Variants in SLFN12L observed in about 807,000 individuals in gnomAD.
SLFN12L encodes schlafen family member 12 like, also known as schlafen family member 12-like.
Under a neutral mutation model 34.8 loss-of-function variants are expected in SLFN12L, and 34 were observed. The ratio of observed to expected loss-of-function variants is 0.98; its 90% CI spans 0.74 to 1.30. The LOEUF is 1.30. Among genes scored for constraint, SLFN12L ranks in the 50% most tolerant of loss-of-function variants. The pLI, the probability that SLFN12L is intolerant of heterozygous loss-of-function variation, is 0.00. For missense variants in SLFN12L, 703 were observed against 696.2 expected, an observed-to-expected ratio of 1.01 and a Z score of -0.11; for synonymous variants, 259 against 247.5, an observed-to-expected ratio of 1.05 and a Z score of -0.44.
intron 2 of SLFN12L, among the ~76,000 whole-genome samples, chr17:35,521,698 T>C (rs1400659608): frequency 1.3e-5 from 2 of 152,092 alleles, no homozygotes; most frequent in Non-Finnish European, 2.9e-5. Flanking sequence ...TTGAGCTACA[T>C]AATTGTTTTT....
chr17:35,503,444 T>G (rs1915367877), intron 2 of SLFN12L, among the ~76,000 whole-genome samples: 1 of 152,136 alleles, frequency 6.6e-6, no homozygotes, highest in Admixed American at 6.5e-5. Flanking sequence ...CCTACAAAGT[T>G]TTATTAAAAC....
At chr17:35,480,416 TTC>T (rs1437629203) in intron 2 of SLFN12L, 2 of 416,064 alleles carry the variant, frequency 4.8e-6, no homozygotes, top group African/African-American at 4.1e-5. Context: ...TACGATCTTA[TTC>T]TAATAATTTT....
intron 4 of SLFN12L, 33 bp from the exon 5 acceptor site, chr17:35,475,518 A>G (rs1913961487): frequency 2.0e-6 from 3 of 1,515,120 alleles, no homozygotes; most frequent in Non-Finnish European, 2.6e-6. Context: ...ATTATAAAAG[A>G]CTGAGAACTT....
In SLFN12L at chr17:35,479,110, C is replaced by T; in HGVS notation, c.1165+7G>A. The T allele has an allele frequency of 6.5e-7, 1 of 1,541,672 alleles. No individual in the cohort carries two copies. The highest frequency in any genetic ancestry group is 1.2e-5 in the South Asian group (1 of 81,764). On this transcript the variant is annotated splice_region_variant and intron_variant, in intron 3 of 4. Transcript: ENST00000628453. ...GGTATCCTTATTGCCAATCCTCCTTCCTCAACCTGGTTCTGAATCCACCAT... is the reference window on the plus strand; with the variant it reads ...GGTATCCTTATTGCCAATCCTCCTTTCTCAACCTGGTTCTGAATCCACCAT...
At chr17:35,503,972 C>T (rs1915385151) in intron 2 of SLFN12L, among the ~76,000 whole-genome samples, 1 of 152,202 alleles carries the variant, frequency 6.6e-6, no homozygotes, top group Admixed American at 6.5e-5. Context: ...AGGAGAAAAC[C>T]CTACAAAACT....
chr17:35,470,239 C>G lies in SLFN12L; in HGVS notation c.*4684G>C, dbSNP rs745994187. The G allele has an allele frequency of 6.5e-6, 1 of 152,862 alleles. No individual in the cohort carries two copies. Among genetic ancestry groups the G allele is most frequent in the African/African-American group, 2.4e-5 (1 of 41,446 alleles). 9.5% of individuals were successfully genotyped at this position (152,862 alleles called of 1,614,324 possible). A position where few individuals can be genotyped will look rare whatever the true frequency, so the allele number is the denominator to read the frequency against. On this transcript the variant is annotated 3_prime_UTR_variant, in exon 5 of 5. Transcript: ENST00000628453. ...TGAGGCTATTGTTCCTGCGTTCATC[C>G]TCCCATGGTCACATTTCTTGGCCAA...
chr17:35,504,593 G>A (rs926739383), intron 2 of SLFN12L, among the ~76,000 whole-genome samples: 2 of 152,236 alleles, frequency 1.3e-5, no homozygotes, highest in Middle Eastern at 3.4e-3. Flanking sequence ...GACCAGGCAT[G>A]GGCTGCATGG....
intron 1 of SLFN12L, among the ~76,000 whole-genome samples, chr17:35,534,131 G>A (rs1303631726): frequency 1.3e-5 from 2 of 152,080 alleles, no homozygotes; most frequent in South Asian, 2.1e-4. Context: ...GGGAGGCCCT[G>A]GTGGGCAGAT....
intron 2 of SLFN12L, among the ~76,000 whole-genome samples, chr17:35,483,536 G>A (rs1914441304): frequency 6.6e-6 from 1 of 152,198 alleles, no homozygotes; most frequent in Non-Finnish European, 1.5e-5. Context: ...CTTGATCTTG[G>A]ACTTCCCAGG....
intron 1 of SLFN12L, among the ~76,000 whole-genome samples, chr17:35,527,405 A>G (rs1453779422): frequency 6.6e-6 from 1 of 151,856 alleles, no homozygotes; most frequent in Non-Finnish European, 1.5e-5. Context: ...GAGATACAAC[A>G]AAAAAAAGAA....
chr17:35,533,083 T>C (rs895710226), intron 1 of SLFN12L, among the ~76,000 whole-genome samples: 1 of 152,238 alleles, frequency 6.6e-6, no homozygotes, highest in African/African-American at 2.4e-5. Context: ...TACATTGTTT[T>C]ACAATTTGTA....
chr17:35,476,458 G>C (rs1289663581), intron 4 of SLFN12L, among the ~76,000 whole-genome samples: 2 of 16,974 alleles, frequency 1.2e-4, no homozygotes, highest in African/African-American at 3.9e-4. Context: ...AGAAAGCAAG[G>C]AAGGAAGGAA....
At position 35,472,881 on chromosome 17, in the gene SLFN12L, G is replaced by GT. The variant is rs1183993487; in HGVS notation, c.*2041dup. 6.6e-6 allele frequency among the ~76,000 whole-genome samples: 1 copy of GT among 152,102 alleles called. No individual in the cohort carries two copies. The highest frequency in any genetic ancestry group is 1.5e-5 in the Non-Finnish European group (1 of 68,026). ...AGGTCCTTCACATCCCTTGTTAGCT[G>GT]TATTTCTAGGTATTTTATTCTCTTT... On this transcript the variant is annotated 3_prime_UTR_variant, in exon 5 of 5. Coordinates refer to ENST00000628453, the MANE Select transcript of SLFN12L (RefSeq NM_001363830.2).
rs1268402091 is a variant in SLFN12L at position 35,465,521 on chromosome 17, A to G, written c.*9402T>C. Among the ~76,000 whole-genome samples the G allele has an allele frequency of 3.9e-5, 6 of 152,078 alleles. No individual in the cohort carries two copies. The highest frequency in any genetic ancestry group is 8.8e-5 in the Non-Finnish European group (6 of 68,006). On this transcript the variant is annotated 3_prime_UTR_variant, in exon 5 of 5. Coordinates refer to ENST00000628453, the MANE Select transcript of SLFN12L (RefSeq NM_001363830.2). ...AGGATTATATAAATCCCATTAAAAT[A>G]GTTAATATGGTTCAATGTAAGTTAA...
intron 1 of SLFN12L, among the ~76,000 whole-genome samples, chr17:35,536,246 T>G (rs2072460537): frequency 6.6e-6 from 1 of 152,212 alleles, no homozygotes; most frequent in South Asian, 2.1e-4. Flanking sequence ...GTATTTGTGA[T>G]AGCATTTATT....
chr17:35,514,824 G>A, intron 2 of SLFN12L: 3 of 397,464 alleles, frequency 7.5e-6, no homozygotes, highest in Non-Finnish European at 1.5e-5. Context: ...TTAACTGGTA[G>A]GGGCTTTGTC....
chr17:35,496,130 G>A (rs1206331518), intron 2 of SLFN12L, among the ~76,000 whole-genome samples: 1 of 152,022 alleles, frequency 6.6e-6, no homozygotes, highest in Non-Finnish European at 1.5e-5. Context: ...GACGTGACCA[G>A]TTACCAGGGA....
At chr17:35,475,555 G>T (rs1362627021) in intron 4 of SLFN12L, 70 bp from the exon 5 acceptor site, 9 of 1,463,660 alleles carry the variant, frequency 6.1e-6, no homozygotes, top group Non-Finnish European at 8.1e-6. Flanking sequence ...ATACAAAGCA[G>T]CTTGTATTAG....
In SLFN12L at chr17:35,464,669, T is replaced by C. The variant is rs1913693686; in HGVS notation, c.*10254A>G. 6.6e-6 allele frequency: 1 copy of C among 152,148 alleles called. No homozygotes were observed. Among genetic ancestry groups the C allele is most frequent in the South Asian group, 2.1e-4 (1 of 4,828 alleles). The allele number at this position is 152,148 out of a possible 1,614,324, so 9.4% of individuals were successfully genotyped here. ...CACATTTTCTTTATCTAATCTGTCA[T>C]TGATGAGCATTTAGGTTAATATAGA... On this transcript the variant is annotated 3_prime_UTR_variant, in exon 5 of 5. Coordinates refer to ENST00000628453, the MANE Select transcript of SLFN12L (RefSeq NM_001363830.2).
Sources: gnomAD v4.1 joint callset for allele counts (sites outside exome capture counted in the v4.1 genomes callset) on GRCh38, gnomAD v4.1.1 for gene constraint, MANE v1.5 for transcripts, NCBI Gene and HGNC (gene_info 2026-07-23, HGNC 2026-07-21) for gene names.